PTPN6: variants seen among roughly 807,000 people sequenced by gnomAD.
PTPN6 encodes the protein tyrosine-protein phosphatase non-receptor type 6.
A neutral mutation model predicts 81.5 loss-of-function variants in PTPN6; 18 were observed. That is an observed-to-expected ratio of 0.22 (90% CI 0.15 to 0.33). The LOEUF (loss-of-function observed/expected upper bound fraction) is 0.33. Among genes scored for constraint, PTPN6 ranks in the 10% least tolerant of loss-of-function variants. PTPN6 has a pLI of 1.00. For synonymous variants in PTPN6, 301 were observed against 310.9 expected, an observed-to-expected ratio of 0.97 and a Z score of 0.33; for missense variants, 500 against 794.2, an observed-to-expected ratio of 0.63 and a Z score of 4.45.
upstream of PTPN6, among the ~76,000 whole-genome samples, chr12:6,949,591 T>A (rs782410637): frequency 6.6e-6 from 1 of 152,312 alleles, no homozygotes; most frequent in South Asian, 2.1e-4. Context: ...TAAGTAGGGT[T>A]GGCCTGAGGA....
chr12:6,960,026 G>A lies in PTPN6; in HGVS notation c.1429+32G>A, dbSNP rs782481335. On this transcript the variant is annotated intron_variant, in intron 12 of 15. Transcript: ENST00000318974. This position sits in a 1 kb window ranked among gnomAD's most constrained non-coding sequence, Gnocchi z 6.1. Reference sequence around the variant, plus strand: ...GGCACCTGGGGGTTTGGGGGTGGGGGGTGAGCAGCCCCTCGGTGTCCGCCT... The same window carrying A: ...GGCACCTGGGGGTTTGGGGGTGGGGAGTGAGCAGCCCCTCGGTGTCCGCCT... 1.4e-5 allele frequency: 23 copies of A among 1,611,910 alleles called. No homozygotes were observed. In the South Asian group the frequency reaches 1.4e-4, roughly 10 times the overall value.
Position 6,954,754 on chromosome 12 carries a change from C to T in PTPN6, c.327-51C>T, listed in dbSNP as rs782712071. On this transcript the variant is annotated intron_variant, in intron 3 of 15. Coordinates refer to ENST00000318974, the MANE Select transcript of PTPN6 (RefSeq NM_002831.6). The surrounding 1 kb of genome is among the most constrained non-coding windows in gnomAD (Gnocchi z 5.4). ...CCTCTCTGTGAATGTCTCTGCTCAG[C>T]GCCTTCCCCTGTGGCCTGGGTCTTA... The T allele has an allele frequency of 5.1e-6, 8 of 1,568,234 alleles. No individual in the cohort carries two copies. The highest frequency in any genetic ancestry group is 4.5e-5 in the East Asian group (2 of 44,250).
Position 6,955,441 on chromosome 12 carries a change from G to A in PTPN6, c.703G>A (p.Glu235Lys). ...NRVLELNKKQESEDTAKAGFW... is the reference protein window; with the variant it reads ...NRVLELNKKQKSEDTAKAGFW... ...AGTGTTGGAACTGAACAAGAAGCAG[G>A]AGTCCGAGGATACAGCCAAGGCTGG... Residue 235 changes from glutamate (E) to lysine (K), a missense_variant, in exon 6 of 16, where the codon GAG becomes AAG. Glu to Lys is a moderately conservative substitution (Grantham distance 56). Transcript: ENST00000318974. The surrounding 1 kb of genome is among the most constrained non-coding windows in gnomAD (Gnocchi z 7.2). 3 of 1,614,158 alleles carry A rather than the reference G, an allele frequency of 1.9e-6. No individual in the cohort carries two copies. Among genetic ancestry groups the A allele is most frequent in the Non-Finnish European group, 2.5e-6 (3 of 1,180,036 alleles).
In PTPN6 at chr12:6,961,316, G is replaced by A; in HGVS notation, c.*216G>A. The A allele has an allele frequency of 3.5e-6, 1 of 286,884 alleles. No individual in the cohort carries two copies. The highest frequency in any genetic ancestry group is 3.4e-5 in the South Asian group (1 of 29,778). The allele number at this position is 286,884 out of a possible 1,614,324, so 17.8% of individuals were successfully genotyped here. A position where few individuals can be genotyped will look rare whatever the true frequency, so the allele number is the denominator to read the frequency against. On this transcript the variant is annotated 3_prime_UTR_variant, in exon 16 of 16. Coordinates refer to ENST00000318974, the MANE Select transcript of PTPN6 (RefSeq NM_002831.6). ...GTAAATAAAGCCCTGGGATCACTGT[G>A]TGTCGCCTCTGAGCCCTTTGCTTGC...
At chr12:6,950,177 G>A (rs1417615338), upstream of PTPN6, among the ~76,000 whole-genome samples, 3 of 150,004 alleles carry the variant, frequency 2.0e-5, no homozygotes, top group Non-Finnish European at 4.4e-5. Context: ...TTCCCAGTTA[G>A]CATATTTATT....
Position 6,960,302 on chromosome 12 carries a change from C to T in PTPN6, c.1582-42C>T, listed in dbSNP as rs1555149580. 9 of 1,610,378 alleles carry T rather than the reference C, an allele frequency of 5.6e-6. No homozygotes were observed. Among genetic ancestry groups the T allele is most frequent in the Non-Finnish European group, 7.6e-6 (9 of 1,179,104 alleles). On this transcript the variant is annotated intron_variant, in intron 13 of 15. Coordinates refer to ENST00000318974, the MANE Select transcript of PTPN6 (RefSeq NM_002831.6). This position sits in a 1 kb window ranked among gnomAD's most constrained non-coding sequence, Gnocchi z 6.1. Reference sequence around the variant, plus strand: ...CAGTGCAGGATGGGTGCCACCTGGCCCTGCTGGGACCACCACCTTCCCACT... The same window carrying T: ...CAGTGCAGGATGGGTGCCACCTGGCTCTGCTGGGACCACCACCTTCCCACT...
rs1266605272 is a variant in PTPN6 at position 6,959,912 on chromosome 12, C to T, written c.1362-15C>T. The T allele has an allele frequency of 6.2e-7, 1 of 1,610,910 alleles. No homozygotes were observed. Among genetic ancestry groups the T allele is most frequent in the African/African-American group, 1.3e-5 (1 of 74,830 alleles). Reference sequence around the variant, plus strand: ...GGCTTGACTGGCCTCTGATGGCACCCCCGTCTTTCCCCAGCGCCGGCATCG... The same window carrying T: ...GGCTTGACTGGCCTCTGATGGCACCTCCGTCTTTCCCCAGCGCCGGCATCG... On this transcript the variant is annotated splice_polypyrimidine_tract_variant and intron_variant, in intron 11 of 15. Coordinates refer to ENST00000318974, the MANE Select transcript of PTPN6 (RefSeq NM_002831.6). This position sits in a 1 kb window ranked among gnomAD's most constrained non-coding sequence, Gnocchi z 6.6.
At position 6,955,117 on chromosome 12, in the gene PTPN6, A is replaced by C; in HGVS notation, c.517-34A>C. The C allele has an allele frequency of 3.1e-6, 5 of 1,611,460 alleles. No individual in the cohort carries two copies. The highest frequency in any genetic ancestry group is 1.3e-5 in the African/African-American group (1 of 74,970). On this transcript the variant is annotated intron_variant, in intron 4 of 15. Transcript: ENST00000318974. This position sits in a 1 kb window ranked among gnomAD's most constrained non-coding sequence, Gnocchi z 7.2. ...CTGGGGACCCAGGGAGGGAGACTCAAGTCCTGTGAATGGCCTAATTTGGCT... is the reference window on the plus strand; with the variant it reads ...CTGGGGACCCAGGGAGGGAGACTCACGTCCTGTGAATGGCCTAATTTGGCT...
At chr12:6,953,315 AT>A (rs1456018989) in intron 3 of PTPN6, 1 of 151,974 alleles carries the variant, frequency 6.6e-6, no homozygotes, top group Non-Finnish European at 1.5e-5. Flanking sequence ...TCTAAAGCTC[AT>A]GTCCTCTCTT....
At chr12:6,947,627 C>G (rs1018325518), upstream of PTPN6, among the ~76,000 whole-genome samples, 7 of 150,498 alleles carry the variant, frequency 4.7e-5, no homozygotes, top group Non-Finnish European at 1.0e-4. Context: ...GATGATTGCA[C>G]CACTGCACAC....
chr12:6,960,020 G>T lies in PTPN6; in HGVS notation c.1429+26G>T. The stretch of plus-strand genomic sequence containing the variant: ...GTGAGGGGCACCTGGGGGTTTGGGG[G>T]TGGGGGGTGAGCAGCCCCTCGGTGT... On this transcript the variant is annotated intron_variant, in intron 12 of 15. Transcript: ENST00000318974. This position sits in a 1 kb window ranked among gnomAD's most constrained non-coding sequence, Gnocchi z 6.1. 6.2e-7 allele frequency: 1 copy of T among 1,611,276 alleles called. No individual in the cohort carries two copies. Among genetic ancestry groups the T allele is most frequent in the Non-Finnish European group, 8.5e-7 (1 of 1,179,386 alleles).
In PTPN6 at chr12:6,957,672, T is replaced by G; in HGVS notation, c.1093T>G (p.Trp365Gly). The G allele has an allele frequency of 9.4e-7, 1 of 1,058,298 alleles. No homozygotes were observed. The highest frequency in any genetic ancestry group is 1.3e-6 in the Non-Finnish European group (1 of 741,874). 65.6% of individuals were successfully genotyped at this position (1,058,298 alleles called of 1,614,324 possible). A position where few individuals can be genotyped will look rare whatever the true frequency, so the allele number is the denominator to read the frequency against. ...TTTCCAGAACAAATGCGTCCCATAC[T>G]GGCCCGAGGTGGGCATGCAGCGTGC... is the stretch of plus-strand genomic sequence containing the variant. The part of the protein sequence containing the change: ...EKGRNKCVPY[W>G]PEVGMQRAYG... Residue 365 changes from tryptophan (W) to glycine (G), a missense_variant, in exon 10 of 16, where the codon TGG becomes GGG. Physicochemically the swap from Trp to Gly is radical, Grantham distance 184 (BLOSUM62 -2). Transcript: ENST00000318974. This position sits in a 1 kb window ranked among gnomAD's most constrained non-coding sequence, Gnocchi z 6.5.
chr12:6,948,148 C>T (rs1555147128), upstream of PTPN6, among the ~76,000 whole-genome samples: 1 of 151,820 alleles, frequency 6.6e-6, no homozygotes, highest in Non-Finnish European at 1.5e-5. Flanking sequence ...GGTATGATGG[C>T]CCAAGCATGT....
Position 6,957,842 on chromosome 12 carries a change from C to T in PTPN6, c.1206+57C>T, listed in dbSNP as rs1318417039. ...GGAGTCCCTCCCTGGACTTGTTCTC[C>T]TCTCTGGTCGGGTAGGGTGAGATGG... On this transcript the variant is annotated intron_variant, in intron 10 of 15. Coordinates refer to ENST00000318974, the MANE Select transcript of PTPN6 (RefSeq NM_002831.6). The surrounding 1 kb of genome is among the most constrained non-coding windows in gnomAD (Gnocchi z 6.5). 44 of 1,613,946 alleles carry T rather than the reference C, an allele frequency of 2.7e-5. No individual in the cohort carries two copies. The highest frequency in any genetic ancestry group is 8.3e-5 in the Admixed American group (5 of 60,010).
rs1179393274 is a variant in PTPN6, at chr12:6,960,513, C to T, written c.1673+78C>T. 4 of 1,497,116 alleles carry T rather than the reference C, an allele frequency of 2.7e-6. No individual in the cohort carries two copies. The highest frequency in any genetic ancestry group is 3.7e-6 in the Non-Finnish European group (4 of 1,089,778). The allele number at this position is 1,497,116 out of a possible 1,614,324, so 92.7% of individuals were successfully genotyped here. ...CCCGATCCTCACTTTCTGGAGAGGA[C>T]AAGTGTTGCAGCTGGGGGGACCTGG... On this transcript the variant is annotated intron_variant, in intron 14 of 15. Coordinates refer to ENST00000318974, the MANE Select transcript of PTPN6 (RefSeq NM_002831.6). This position sits in a 1 kb window ranked among gnomAD's most constrained non-coding sequence, Gnocchi z 6.1.
Position 6,952,223 on chromosome 12 carries a change from C to T in PTPN6, c.326+46C>T, listed in dbSNP as rs1555147901. On this transcript the variant is annotated intron_variant, in intron 3 of 15. Transcript: ENST00000318974. This position sits in a 1 kb window ranked among gnomAD's most constrained non-coding sequence, Gnocchi z 8.1. ...CCATTCCCAAGCAGGGATGAGCCGG[C>T]TCCCACCCTGAACAGCCAGGGAGGC... 2.5e-6 allele frequency: 4 copies of T among 1,607,350 alleles called. No individual in the cohort carries two copies. Among genetic ancestry groups the T allele is most frequent in the Non-Finnish European group, 3.4e-6 (4 of 1,175,836 alleles).
chr12:6,948,958 A>G (rs1177249572), upstream of PTPN6, among the ~76,000 whole-genome samples: 9 of 151,568 alleles, frequency 5.9e-5, no homozygotes, highest in African/African-American at 1.7e-4. Flanking sequence ...AAAAAAAAAA[A>G]AAAGAAAAGA....
Position 6,959,910 on chromosome 12 carries a change from C to A in PTPN6, c.1362-17C>A, listed in dbSNP as rs1464764747. 3.1e-6 allele frequency: 5 copies of A among 1,610,772 alleles called. No homozygotes were observed. Among genetic ancestry groups the A allele is most frequent in the Non-Finnish European group, 4.2e-6 (5 of 1,179,762 alleles). On this transcript the variant is annotated splice_polypyrimidine_tract_variant and intron_variant, in intron 11 of 15. Transcript: ENST00000318974. This position sits in a 1 kb window ranked among gnomAD's most constrained non-coding sequence, Gnocchi z 6.6. ...AGGGCTTGACTGGCCTCTGATGGCA[C>A]CCCCGTCTTTCCCCAGCGCCGGCAT...
At chr12:6,958,794 C>T (rs1197360365) in intron 11 of PTPN6, among the ~76,000 whole-genome samples, 4 of 152,216 alleles carry the variant, frequency 2.6e-5, no homozygotes, top group African/African-American at 9.7e-5. Context: ...AGGGCCCCTC[C>T]GCTTACCAGC....
Sources: gnomAD v4.1 joint callset for allele counts (sites outside exome capture counted in the v4.1 genomes callset) on GRCh38, gnomAD v4.1.1 for gene constraint, Gnocchi (gnomAD v3.1) non-coding constraint, MANE v1.5 for transcripts, NCBI Gene and HGNC (gene_info 2026-07-23, HGNC 2026-07-21) for gene names.